FAXC: variants seen among roughly 807,000 people sequenced by gnomAD.
The protein encoded by FAXC is failed axon connections homolog, metaxin like GST domain containing.
FAXC carries 10 observed loss-of-function variants against 41.9 expected under a neutral mutation model. That is an observed-to-expected ratio of 0.24 (90% CI 0.15 to 0.41). FAXC has a LOEUF of 0.41. Among genes scored for constraint, FAXC ranks in the 10% least tolerant of loss-of-function variants. The pLI is 1.00. For missense variants in FAXC, 399 were observed against 510.9 expected, an observed-to-expected ratio of 0.78 and a Z score of 2.11; for synonymous variants, 183 against 183.8, an observed-to-expected ratio of 1.00 and a Z score of 0.03.
intron 2 of FAXC, among the ~76,000 whole-genome samples, chr6:99,334,012 C>T (rs1221253647): frequency 6.6e-6 from 1 of 152,142 alleles, no homozygotes; most frequent in Non-Finnish European, 1.5e-5. Context: ...ATAATAATAC[C>T]ACTACACTAT....
intron 2 of FAXC, among the ~76,000 whole-genome samples, chr6:99,340,947 G>A (rs1055818683): frequency 2.6e-5 from 4 of 152,114 alleles, no homozygotes; most frequent in African/African-American, 9.7e-5. Context: ...AGGATTACAA[G>A]CGTGAGCCAC....
chr6:99,336,622 G>C (rs1441644235), intron 2 of FAXC, among the ~76,000 whole-genome samples: 1 of 152,170 alleles, frequency 6.6e-6, no homozygotes, highest in Non-Finnish European at 1.5e-5. Context: ...TACATTATTA[G>C]CATGGCAGTG....
chr6:99,349,426 A>C lies in FAXC; in HGVS notation c.-54T>G. ...CCAGGGCCCGCGCCGCCCGCATGGG[A>C]AGGGGCCGGCGCGGCCCGGCGCGGG... On this transcript the variant is annotated 5_prime_UTR_variant, in exon 1 of 6. Transcript: ENST00000389677. 7.1e-7 allele frequency: 1 copy of C among 1,406,714 alleles called. No homozygotes were observed. The highest frequency in any genetic ancestry group is 1.5e-5 in the African/African-American group (1 of 66,552). 87.1% of individuals were successfully genotyped at this position (1,406,714 alleles called of 1,614,324 possible).
intron 2 of FAXC, among the ~76,000 whole-genome samples, chr6:99,335,687 C>G (rs1773192548): frequency 1.3e-5 from 2 of 152,342 alleles, no homozygotes; most frequent in South Asian, 2.1e-4. Context: ...ATTGTTCCAT[C>G]TGTGATTGAG....
intron 5 of FAXC, among the ~76,000 whole-genome samples, chr6:99,281,974 A>G (rs1320471708): frequency 1.3e-5 from 2 of 152,250 alleles, no homozygotes; most frequent in African/African-American, 2.4e-5. Flanking sequence ...GTATTTTTCC[A>G]TAGAGATACT....
chr6:99,284,682 G>A lies in FAXC; in HGVS notation c.941-3229C>T, dbSNP rs221543. On this transcript the variant is annotated intron_variant, in intron 5 of 5. Coordinates refer to ENST00000389677, the MANE Select transcript of FAXC (RefSeq NM_032511.4). Reference sequence around the variant, plus strand: ...AATCTCAGCACTCTGGAAGGCTGAAGTGGGCGGATCACCTGAGGCCAGGAG... The same window carrying A: ...AATCTCAGCACTCTGGAAGGCTGAAATGGGCGGATCACCTGAGGCCAGGAG... 6.4e-3 allele frequency among the ~76,000 whole-genome samples: 971 copies of A among 152,100 alleles called. 8 individuals carry two copies. The highest frequency in any genetic ancestry group is 0.023 in the African/African-American group (951 of 41,474).
intron 5 of FAXC, chr6:99,284,044 CATA>C (rs1770926516): frequency 6.6e-6 from 1 of 152,160 alleles, no homozygotes; most frequent in Non-Finnish European, 1.5e-5. Context: ...AAGTAATAAT[CATA>C]ATAGCAGACA....
chr6:99,281,566 G>T, intron 5 of FAXC, 113 bp from the exon 6 acceptor site: 2 of 842,338 alleles, frequency 2.4e-6, no homozygotes, highest in Non-Finnish European at 1.9e-6. Flanking sequence ...CCAATGTGAT[G>T]GTCTAAGGAG....
chr6:99,292,597 C>G (rs1771288270), intron 4 of FAXC, among the ~76,000 whole-genome samples: 1 of 152,218 alleles, frequency 6.6e-6, no homozygotes, highest in Non-Finnish European at 1.5e-5. Flanking sequence ...AGCTGCCTAG[C>G]TCACATCCTG....
intron 2 of FAXC, among the ~76,000 whole-genome samples, chr6:99,336,900 A>C (rs1360268362): frequency 6.6e-6 from 1 of 152,174 alleles, no homozygotes; most frequent in Non-Finnish European, 1.5e-5. Flanking sequence ...TTTCAGGTAA[A>C]TATCTATCTA....
intron 4 of FAXC, among the ~76,000 whole-genome samples, chr6:99,304,286 C>T (rs978256772): frequency 6.7e-6 from 1 of 150,300 alleles, no homozygotes; most frequent in Admixed American, 6.6e-5. Context: ...AATTCTGCCT[C>T]AAAAAATAAA....
intron 5 of FAXC, among the ~76,000 whole-genome samples, chr6:99,283,762 T>A (rs754315391): frequency 1.1e-4 from 17 of 151,636 alleles, no homozygotes; most frequent in Non-Finnish European, 2.2e-4. Context: ...AAAAAAAAAA[T>A]ATCTAATTGG....
intron 5 of FAXC, among the ~76,000 whole-genome samples, chr6:99,285,009 T>G (rs761659169): frequency 7.8e-6 from 1 of 127,462 alleles, no homozygotes; most frequent in South Asian, 3.1e-4. Context: ...GATAACAGTT[T>G]CATCTACTTG....
chr6:99,320,314 T>C (rs1420179642), intron 4 of FAXC, among the ~76,000 whole-genome samples: 1 of 152,224 alleles, frequency 6.6e-6, no homozygotes, highest in Non-Finnish European at 1.5e-5. Flanking sequence ...GTATTTTATA[T>C]CATAAAATCA....
At chr6:99,299,380 A>G (rs1326998651) in intron 4 of FAXC, among the ~76,000 whole-genome samples, 1 of 152,200 alleles carries the variant, frequency 6.6e-6, no homozygotes, top group East Asian at 1.9e-4. Context: ...AGTTCAAGGG[A>G]GAAACTAAAG....
intron 4 of FAXC, among the ~76,000 whole-genome samples, chr6:99,317,256 C>A (rs1772394320): frequency 1.3e-5 from 2 of 152,228 alleles, no homozygotes; most frequent in South Asian, 4.1e-4. Context: ...GAGATCATTT[C>A]TCCTTAAGCA....
chr6:99,323,210 T>C (rs373684521), intron 4 of FAXC, among the ~76,000 whole-genome samples: 16 of 152,326 alleles, frequency 1.1e-4, no homozygotes, highest in African/African-American at 3.8e-4. Context: ...GCATGTTCCA[T>C]ACTCTCTTCA....
chr6:99,302,530 C>T (rs1422992742), intron 4 of FAXC, among the ~76,000 whole-genome samples: 3 of 152,122 alleles, frequency 2.0e-5, no homozygotes, highest in Non-Finnish European at 4.4e-5. Context: ...GTGGCGCATG[C>T]CTGTGGTCCC....
chr6:99,327,989 A>G (rs1228042371), intron 3 of FAXC, among the ~76,000 whole-genome samples: 1 of 152,190 alleles, frequency 6.6e-6, no homozygotes, highest in Non-Finnish European at 1.5e-5. Context: ...AATGTATACA[A>G]AGAGCTTCCT....
Sources: gnomAD v4.1 joint callset for allele counts (sites outside exome capture counted in the v4.1 genomes callset) on GRCh38, gnomAD v4.1.1 for gene constraint, MANE v1.5 for transcripts, NCBI Gene and HGNC (gene_info 2026-07-23, HGNC 2026-07-21) for gene names.